The following PTPN4 variants were observed in gnomAD, a reference collection of about 807,000 sequenced individuals.
PTPN4 encodes protein tyrosine phosphatase non-receptor type 4.
A neutral mutation model predicts 135.5 loss-of-function variants in PTPN4; 49 were observed. That is an observed-to-expected ratio of 0.36 (90% CI 0.29 to 0.46). The LOEUF (loss-of-function observed/expected upper bound fraction) is 0.46. PTPN4 is among the 20% of genes least tolerant of loss of function. PTPN4 has a pLI of 1.00. For synonymous variants in PTPN4, 333 were observed against 369.9 expected, an observed-to-expected ratio of 0.90 and a Z score of 1.14; for missense variants, 860 against 1,101.0, an observed-to-expected ratio of 0.78 and a Z score of 3.10.
chr2:119,877,312 T>G lies in PTPN4; in HGVS notation c.247-11T>G. On this transcript the variant is annotated splice_polypyrimidine_tract_variant and intron_variant, in intron 3 of 26. Transcript: ENST00000263708. ...GAAAAAAGAAATCAGTTTTATTTAT[T>G]TATTTTTCAGAGGTGGCTGGATCCA... is the stretch of plus-strand genomic sequence containing the variant. 1 of 1,607,502 alleles carries G rather than the reference T, an allele frequency of 6.2e-7. No homozygotes were observed. Among genetic ancestry groups the G allele is most frequent in the East Asian group, 2.2e-5 (1 of 44,744 alleles).
chr2:119,827,041 G>A (rs1224368460), intron 2 of PTPN4, among the ~76,000 whole-genome samples: 1 of 152,006 alleles, frequency 6.6e-6, no homozygotes, highest in Non-Finnish European at 1.5e-5. Context: ...AAATAAAATA[G>A]TTTTTTAGCT....
chr2:119,798,804 T>C (rs1691309733), intron 1 of PTPN4, among the ~76,000 whole-genome samples: 1 of 152,234 alleles, frequency 6.6e-6, no homozygotes, highest in Admixed American at 6.5e-5. Flanking sequence ...TACTGTTTTA[T>C]TAACTATTGT....
chr2:119,946,985 A>G (rs1008193129), intron 18 of PTPN4, among the ~76,000 whole-genome samples: 7 of 152,138 alleles, frequency 4.6e-5, no homozygotes, highest in African/African-American at 1.7e-4. Flanking sequence ...CTACAAGGAT[A>G]ATTTTTAAAA....
At chr2:119,910,468 A>G (rs960689797) in intron 10 of PTPN4, among the ~76,000 whole-genome samples, 17 of 152,168 alleles carry the variant, frequency 1.1e-4, no homozygotes, top group African/African-American at 4.1e-4. Flanking sequence ...CCCTACATAC[A>G]TTAAAAGCAT....
chr2:119,831,317 G>A (rs945798280), intron 2 of PTPN4, among the ~76,000 whole-genome samples: 3 of 152,144 alleles, frequency 2.0e-5, no homozygotes, highest in African/African-American at 7.2e-5. Context: ...ACTGATACTG[G>A]TTATGGCTTA....
intron 2 of PTPN4, among the ~76,000 whole-genome samples, chr2:119,812,011 T>C (rs1676890792): frequency 1.3e-5 from 2 of 152,120 alleles, no homozygotes; most frequent in African/African-American, 4.8e-5. Flanking sequence ...TTCTCTACCA[T>C]TATCTCAGGT....
At position 119,831,968 on chromosome 2, in the gene PTPN4, T is replaced by A. The variant is rs141136972; in HGVS notation, c.138+21977T>A. 4.6e-3 allele frequency among the ~76,000 whole-genome samples: 694 copies of A among 152,318 alleles called. 5 individuals are homozygous for A. Among genetic ancestry groups the A allele is most frequent in the African/African-American group, 0.016 (671 of 41,578 alleles). ...TTCTCAACAGACAGACAATTTTGATTTTATTTTTTAAGTTATTGTTTTGTT... is the reference window on the plus strand; with the variant it reads ...TTCTCAACAGACAGACAATTTTGATATTATTTTTTAAGTTATTGTTTTGTT... On this transcript the variant is annotated intron_variant, in intron 2 of 26. Transcript: ENST00000263708.
chr2:119,803,797 A>T (rs950640621), intron 1 of PTPN4, among the ~76,000 whole-genome samples: 5 of 149,216 alleles, frequency 3.4e-5, no homozygotes, highest in African/African-American at 1.2e-4. Context: ...TCAGTTTGAC[A>T]GTTTTGCTTC....
chr2:119,858,351 C>G (rs1276978749), intron 2 of PTPN4, among the ~76,000 whole-genome samples: 5 of 151,922 alleles, frequency 3.3e-5, no homozygotes. Context: ...AAGATGTTTA[C>G]TTTGTGTTTA....
chr2:119,831,938 G>A (rs1361595269), intron 2 of PTPN4, among the ~76,000 whole-genome samples: 1 of 152,144 alleles, frequency 6.6e-6, no homozygotes, highest in Non-Finnish European at 1.5e-5. Context: ...CTACGTCATA[G>A]TAAGTTCTCA....
intron 12 of PTPN4, among the ~76,000 whole-genome samples, chr2:119,923,897 G>C (rs1678773937): frequency 6.6e-6 from 1 of 152,126 alleles, no homozygotes; most frequent in Non-Finnish European, 1.5e-5. Context: ...CAGCACTTTG[G>C]GAGGTCGAGG....
chr2:119,914,377 A>G (rs1162313543), intron 10 of PTPN4, among the ~76,000 whole-genome samples: 1 of 151,426 alleles, frequency 6.6e-6, no homozygotes. Flanking sequence ...CAAATCAGAA[A>G]CCTAAACATG....
At chr2:119,934,729 C>CAT in intron 14 of PTPN4, 71 bp from the exon 15 acceptor site, 1 of 1,464,542 alleles carries the variant, frequency 6.8e-7, no homozygotes, top group East Asian at 2.3e-5. Flanking sequence ...CTGATGTAAC[C>CAT]ATATATTAAG....
chr2:119,908,237 C>G (rs991508120), intron 10 of PTPN4, among the ~76,000 whole-genome samples: 1 of 152,064 alleles, frequency 6.6e-6, no homozygotes, highest in East Asian at 1.9e-4. Context: ...AGGAACTGAA[C>G]AGCAAAAGCC....
rs186582045 is a variant in PTPN4 at position 119,952,812 on chromosome 2, C to T, written c.1813+683C>T. On this transcript the variant is annotated intron_variant, in intron 19 of 26. Transcript: ENST00000263708. ...AGCTCTAGCTCTTTGGCTAATTGCA[C>T]GAATTTCCTCCACAACAACCTCAAG... Among the ~76,000 whole-genome samples, 10 of 152,260 alleles carry T rather than the reference C, an allele frequency of 6.6e-5. No individual in the cohort carries two copies. The East Asian group carries it at 1.5e-3, about 23-fold the overall frequency.
intron 2 of PTPN4, among the ~76,000 whole-genome samples, chr2:119,856,465 T>G (rs2136835): frequency 0.27 from 40,866 of 152,020 alleles, 5,579 homozygotes; most frequent in South Asian, 0.33. Context: ...AGTTACCCAG[T>G]TAAAAGTGCC....
chr2:119,983,115 G>A lies in PTPN4; in HGVS notation c.*6045G>A, dbSNP rs1679718458. 2 of 152,280 alleles carry A rather than the reference G, an allele frequency of 1.3e-5. No individual in the cohort carries two copies. Among genetic ancestry groups the A allele is most frequent in the South Asian group, 4.2e-4 (2 of 4,818 alleles). The allele number at this position is 152,280 out of a possible 1,614,324, so 9.4% of individuals were successfully genotyped here. A position where few individuals can be genotyped will look rare whatever the true frequency, so the allele number is the denominator to read the frequency against. ...TCTTTGTTAAGTACTCAAGTACAAA[G>A]TGATCTCTTCTTTCATGAACTTTGC... On this transcript the variant is annotated 3_prime_UTR_variant, in exon 27 of 27. Coordinates refer to ENST00000263708, the MANE Select transcript of PTPN4 (RefSeq NM_002830.4).
intron 7 of PTPN4, 110 bp downstream of exon 7, chr2:119,882,259 G>T: frequency 8.7e-7 from 1 of 1,153,636 alleles, no homozygotes; most frequent in Non-Finnish European, 1.3e-6. Flanking sequence ...ATAGAAAATA[G>T]TGACTGCAGT....
At position 119,976,226 on chromosome 2, in the gene PTPN4, T is replaced by C. The variant is rs187914361; in HGVS notation, c.2695-758T>C. Among the ~76,000 whole-genome samples the C allele has an allele frequency of 1.5e-3, 226 of 152,128 alleles. 8 individuals carry two copies. The East Asian group carries it at 0.04, about 27-fold the overall frequency. On this transcript the variant is annotated intron_variant, in intron 26 of 26. Coordinates refer to ENST00000263708, the MANE Select transcript of PTPN4 (RefSeq NM_002830.4). The stretch of plus-strand genomic sequence containing the variant: ...GTTAGCCAGGATGGTCTCGATCTCC[T>C]GACCTCGTGATCCACCCACCTTGGC...
Sources: gnomAD v4.1 joint callset for allele counts (sites outside exome capture counted in the v4.1 genomes callset) on GRCh38, gnomAD v4.1.1 for gene constraint, MANE v1.5 for transcripts, NCBI Gene and HGNC (gene_info 2026-07-23, HGNC 2026-07-21) for gene names.